APP: variants seen among roughly 807,000 people sequenced by gnomAD.
The protein encoded by APP is amyloid beta precursor protein, also known as amyloid-beta precursor protein.
Under a neutral mutation model 101.4 loss-of-function variants are expected in APP, and 31 were observed. The observed-to-expected ratio is 0.31, with a 90% CI of 0.23 to 0.41. The LOEUF (loss-of-function observed/expected upper bound fraction) is 0.41. Among genes scored for constraint, APP ranks in the 10% least tolerant of loss-of-function variants. The pLI is 1.00. For missense variants in APP, 839 were observed against 1,003.7 expected (o/e 0.84, Z 2.22); for synonymous variants, 366 against 364.4 (o/e 1.00, Z -0.05).
At chr21:25,899,804 A>G (rs2038321337) in intron 15 of APP, among the ~76,000 whole-genome samples, 1 of 152,224 alleles carries the variant, frequency 6.6e-6, no homozygotes, top group African/African-American at 2.4e-5. Context: ...ACGTAGCAAT[A>G]GGTAACTAAT....
At chr21:26,050,976 G>C (rs755719191) in intron 5 of APP, 24 bp downstream of exon 5, 3 of 1,610,894 alleles carry the variant, frequency 1.9e-6, no homozygotes, top group Admixed American at 1.7e-5. Flanking sequence ...GCATCTCTGA[G>C]GCTGAACACA....
intron 2 of APP, among the ~76,000 whole-genome samples, chr21:26,111,087 T>TAAAAAAAAAAAAA (rs576900084): frequency 2.3e-5 from 2 of 88,472 alleles, no homozygotes; most frequent in African/African-American, 9.7e-5. Flanking sequence ...AAAGTTAAGT[T>TAAAAAAAAAAAAA]AAAAAAAAAA....
chr21:25,954,567 C>T (rs778313205), intron 13 of APP, 23 bp downstream of exon 13: 6 of 1,582,132 alleles, frequency 3.8e-6, no homozygotes, highest in Non-Finnish European at 4.3e-6. Flanking sequence ...CCATGTGCAG[C>T]ATCAAAAGAA....
In APP at chr21:26,019,976, T is replaced by C. The variant is rs189426625; in HGVS notation, c.865+1864A>G. ...TAGCACATTTACTTATGTGCTAAAGTGAGTAAGAAACTGTCATTAAGTAGG... is the reference window on the plus strand; with the variant it reads ...TAGCACATTTACTTATGTGCTAAAGCGAGTAAGAAACTGTCATTAAGTAGG... On this transcript the variant is annotated intron_variant, in intron 6 of 17. Coordinates refer to ENST00000346798, the MANE Select transcript of APP (RefSeq NM_000484.4). Among the ~76,000 whole-genome samples the C allele has an allele frequency of 1.2e-3, 183 of 152,364 alleles. 2 individuals carry two copies. The highest frequency in any genetic ancestry group is 3.9e-3 in the African/African-American group (163 of 41,596).
At chr21:26,002,550 C>A (rs2043345551) in intron 6 of APP, among the ~76,000 whole-genome samples, 1 of 152,162 alleles carries the variant, frequency 6.6e-6, no homozygotes, top group African/African-American at 2.4e-5. Context: ...ACAACAATAC[C>A]CATTATTAAT....
chr21:25,913,326 G>T (rs1020966505), intron 13 of APP, among the ~76,000 whole-genome samples: 3 of 152,220 alleles, frequency 2.0e-5, no homozygotes, highest in African/African-American at 7.2e-5. Context: ...AGTCTAATCT[G>T]AGTTATAATA....
chr21:25,962,232 A>G (rs143907809), intron 11 of APP, among the ~76,000 whole-genome samples: 2 of 152,354 alleles, frequency 1.3e-5, no homozygotes, highest in South Asian at 4.1e-4. Context: ...TTAAAAAATC[A>G]TTCAAAATAA....
rs1401562977 is a variant in APP, at chr21:25,911,865, T to C, written c.1785A>G (p.Pro595=). 1 of 1,614,184 alleles carries C rather than the reference T, an allele frequency of 6.2e-7. No individual in the cohort carries two copies. Residue 595 remains proline (P), a synonymous_variant, in exon 14 of 18, where the codon CCA becomes CCG. Coordinates refer to ENST00000346798, the MANE Select transcript of APP (RefSeq NM_000484.4). The part of the protein sequence containing the change: ...RISYGNDALM[P]SLTETKTTVE... Reference sequence around the variant, plus strand: ...CGGTGGTTTTCGTTTCGGTCAAAGATGGCATGAGAGCATCGTTTCCGTAAC... The same window carrying C: ...CGGTGGTTTTCGTTTCGGTCAAAGACGGCATGAGAGCATCGTTTCCGTAAC...
At chr21:25,912,061 G>A in intron 13 of APP, 99 bp from the exon 14 acceptor site, 1 of 870,466 alleles carries the variant, frequency 1.1e-6, no homozygotes, top group East Asian at 2.6e-5. Context: ...GACTTCAACT[G>A]CTTTCACGTG....
intron 13 of APP, among the ~76,000 whole-genome samples, chr21:25,948,923 C>T (rs216776): frequency 0.89 from 134,953 of 152,152 alleles, 60,212 homozygotes; most frequent in Non-Finnish European, 0.93. Context: ...AATATGAACA[C>T]TGAAGAGGAG....
intron 1 of APP, among the ~76,000 whole-genome samples, chr21:26,137,632 CA>C (rs1344774851): frequency 6.6e-6 from 1 of 151,976 alleles, no homozygotes; most frequent in Non-Finnish European, 1.5e-5. Flanking sequence ...AGCAAGACAC[CA>C]AAACTAAGAA....
At chr21:26,125,116 C>T (rs1311751311) in intron 1 of APP, among the ~76,000 whole-genome samples, 1 of 152,116 alleles carries the variant, frequency 6.6e-6, no homozygotes, top group South Asian at 2.1e-4. Flanking sequence ...GAGTATGGGT[C>T]GGACAGGAAG....
At chr21:26,085,709 A>G (rs575645791) in intron 3 of APP, among the ~76,000 whole-genome samples, 94 of 152,244 alleles carry the variant, frequency 6.2e-4, no homozygotes, top group Non-Finnish European at 1.2e-3. Flanking sequence ...CAGTATTCAA[A>G]TACATCCTTT....
chr21:26,023,373 T>TAAAAA (rs35579863), intron 5 of APP, among the ~76,000 whole-genome samples: 1,857 of 109,680 alleles, frequency 0.017, 48 homozygotes, highest in African/African-American at 0.06. Flanking sequence ...CCAAAAAAAT[T>TAAAAA]AAAAAAAAAA....
intron 14 of APP, among the ~76,000 whole-genome samples, chr21:25,908,928 G>T (rs1371967962): frequency 1.3e-5 from 2 of 152,108 alleles, no homozygotes; most frequent in Non-Finnish European, 2.9e-5. Flanking sequence ...GTATGGGGTA[G>T]TATTTAATAT....
intron 2 of APP, among the ~76,000 whole-genome samples, chr21:26,105,171 T>C (rs1167458218): frequency 6.6e-6 from 1 of 151,914 alleles, no homozygotes; most frequent in Non-Finnish European, 1.5e-5. Flanking sequence ...AACCAGGAAT[T>C]CTATACCTAA....
chr21:26,125,381 T>C (rs2062660815), intron 1 of APP, among the ~76,000 whole-genome samples: 1 of 152,216 alleles, frequency 6.6e-6, no homozygotes, highest in South Asian at 2.1e-4. Flanking sequence ...TTATTGTATA[T>C]TCATGATTAT....
rs112507074 is a variant in APP, at chr21:26,073,636, A to G, written c.355+16307T>C. On this transcript the variant is annotated intron_variant, in intron 3 of 17. Coordinates refer to ENST00000346798, the MANE Select transcript of APP (RefSeq NM_000484.4). ...CTGGAGTGAGGGATCAGGGAGCTCT[A>G]AAGAAGAGGAAAAATATGAGAAGGC... Among the ~76,000 whole-genome samples the G allele has an allele frequency of 6.8e-4, 103 of 152,274 alleles. 1 individual carries two copies. The highest frequency in any genetic ancestry group is 2.2e-3 in the African/African-American group (93 of 41,564).
intron 13 of APP, among the ~76,000 whole-genome samples, chr21:25,929,497 G>A (rs2040050481): frequency 6.6e-6 from 1 of 151,872 alleles, no homozygotes; most frequent in South Asian, 2.1e-4. Context: ...CGAAGTTATT[G>A]AGGCAATGGA....
Sources: allele counts gnomAD v4.1 joint callset (sites outside exome capture counted in the v4.1 genomes callset), GRCh38; gene constraint gnomAD v4.1.1; transcripts MANE v1.5; gene names NCBI Gene and HGNC (gene_info 2026-07-23, HGNC 2026-07-21).